KDELR2: variants seen among roughly 807,000 people sequenced by gnomAD.
KDELR2 encodes the protein KDEL endoplasmic reticulum protein retention receptor 2.
A neutral mutation model predicts 23.9 loss-of-function variants in KDELR2; 15 were observed. That is an observed-to-expected ratio of 0.63 (90% CI 0.42 to 0.97). The LOEUF (loss-of-function observed/expected upper bound fraction) is 0.97. KDELR2 is among the 50% of genes least tolerant of loss of function. KDELR2 has a pLI of 0.00. For synonymous variants in KDELR2, 119 were observed against 106.2 expected (o/e 1.12, Z -0.74); for missense variants, 272 against 254.6 (o/e 1.07, Z -0.46).
At position 6,461,391 on chromosome 7, in the gene KDELR2, G is replaced by C. The variant is rs1562496635; in HGVS notation, c.*1750C>G. ...GGTGTATCAGATTTGCATGCACAAAGACAGGTGTGCGCCCCACCCACCCTG... is the reference window on the plus strand; with the variant it reads ...GGTGTATCAGATTTGCATGCACAAACACAGGTGTGCGCCCCACCCACCCTG... On this transcript the variant is annotated 3_prime_UTR_variant, in exon 5 of 5. Coordinates refer to ENST00000258739, the MANE Select transcript of KDELR2 (RefSeq NM_006854.4). The C allele has an allele frequency of 1.3e-5, 2 of 152,012 alleles. No individual in the cohort carries two copies. The highest frequency in any genetic ancestry group is 6.6e-5 in the Admixed American group (1 of 15,236). 9.4% of individuals were successfully genotyped at this position (152,012 alleles called of 1,614,324 possible).
At chr7:6,468,031 AG>A (rs1785539028) in intron 3 of KDELR2, among the ~76,000 whole-genome samples, 1 of 152,242 alleles carries the variant, frequency 6.6e-6, no homozygotes, top group African/African-American at 2.4e-5. Context: ...TGTGGGCTAC[AG>A]GAGGGAGACC....
intron 4 of KDELR2, among the ~76,000 whole-genome samples, chr7:6,464,375 C>G (rs931883462): frequency 6.7e-6 from 1 of 149,872 alleles, no homozygotes; most frequent in African/African-American, 2.5e-5. Flanking sequence ...AAAAATTAGC[C>G]GGGCGTGGTG....
intron 1 of KDELR2, among the ~76,000 whole-genome samples, chr7:6,481,314 G>C (rs972770970): frequency 8.7e-5 from 12 of 138,170 alleles, no homozygotes; most frequent in African/African-American, 2.4e-4. Context: ...GCAGTGAGCC[G>C]AGATCACACC....
At chr7:6,479,621 C>T (rs753774908) in intron 1 of KDELR2, among the ~76,000 whole-genome samples, 6 of 152,062 alleles carry the variant, frequency 3.9e-5, no homozygotes, top group East Asian at 1.9e-4. Context: ...GGACTACAGC[C>T]GCCCGCCACC....
chr7:6,472,371 G>C (rs957158732), intron 2 of KDELR2, among the ~76,000 whole-genome samples: 2 of 152,138 alleles, frequency 1.3e-5, no homozygotes, highest in Non-Finnish European at 2.9e-5. Context: ...AGAAGTTAAA[G>C]TAAAAAGACA....
chr7:6,471,188 T>G (rs1474175103), intron 2 of KDELR2, among the ~76,000 whole-genome samples: 1 of 126,498 alleles, frequency 7.9e-6, no homozygotes, highest in Non-Finnish European at 1.7e-5. Flanking sequence ...TTTTTTTTTT[T>G]TTTTTTTTTT....
At chr7:6,483,695 A>G (rs1476915904) in intron 1 of KDELR2, among the ~76,000 whole-genome samples, 1 of 152,168 alleles carries the variant, frequency 6.6e-6, no homozygotes, top group Non-Finnish European at 1.5e-5. Flanking sequence ...CAGACACAGC[A>G]GGGCCCCGCG....
chr7:6,472,901 T>A (rs985031902), intron 2 of KDELR2, among the ~76,000 whole-genome samples: 2 of 147,542 alleles, frequency 1.4e-5, no homozygotes, highest in Admixed American at 1.4e-4. Flanking sequence ...CCTGTTCTTT[T>A]TTTTTTTTTT....
At chr7:6,465,649 G>A (rs2115322702) in intron 4 of KDELR2, among the ~76,000 whole-genome samples, 1 of 152,214 alleles carries the variant, frequency 6.6e-6, no homozygotes, top group Admixed American at 6.5e-5. Context: ...CATGAATGGG[G>A]GCTGGGTAAA....
chr7:6,462,863 A>G lies in KDELR2; in HGVS notation c.*278T>C. 9.9e-7 allele frequency: 1 copy of G among 1,005,728 alleles called. No individual in the cohort carries two copies. Among genetic ancestry groups the G allele is most frequent in the African/African-American group, 1.6e-5 (1 of 60,944 alleles). The allele number at this position is 1,005,728 out of a possible 1,614,324, so 62.3% of individuals were successfully genotyped here. A position where few individuals can be genotyped will look rare whatever the true frequency, so the allele number is the denominator to read the frequency against. ...TCACAAAATCTTCACTTTTGGAACT[A>G]TCCCAATTGAAGCTACACACTGAAT... On this transcript the variant is annotated 3_prime_UTR_variant, in exon 5 of 5. Coordinates refer to ENST00000258739, the MANE Select transcript of KDELR2 (RefSeq NM_006854.4).
Position 6,463,711 on chromosome 7 carries a change from G to A in KDELR2, c.605-536C>T, listed in dbSNP as rs558970480. On this transcript the variant is annotated intron_variant, in intron 4 of 4. Transcript: ENST00000258739. The stretch of plus-strand genomic sequence containing the variant: ...GGAAGGATCACACCACTGCATTCTT[G>A]CAGCCTGAGTAACAGAGTGAGACCC... 2.4e-4 allele frequency among the ~76,000 whole-genome samples: 36 copies of A among 151,350 alleles called. 1 individual carries two copies. The highest frequency in any genetic ancestry group is 2.1e-4 in the Non-Finnish European group (14 of 67,886).
chr7:6,466,125 C>T lies in KDELR2; in HGVS notation c.550G>A (p.Gly184Ser), dbSNP rs1447087107. The T allele has an allele frequency of 4.3e-6, 7 of 1,613,920 alleles. No homozygotes were observed. The highest frequency in any genetic ancestry group is 5.9e-6 in the Non-Finnish European group (7 of 1,180,018). The change falls in exon 4 of 5, where the codon GGC (glycine) becomes AGC (serine). Residue 184 changes from glycine (G) to serine (S), a missense_variant. By Grantham distance (56) the Gly-to-Ser change is moderately conservative. Coordinates refer to ENST00000258739, the MANE Select transcript of KDELR2 (RefSeq NM_006854.4). The stretch of plus-strand genomic sequence containing the variant: ...CAGTATAGGATGGTCTGGACTACGC[C>T]GGCCACCACAGCAATGAGGTCAAAG... The part of the protein sequence containing the change: ...GFFDLIAVVA[G>S]VVQTILYCDF...
Position 6,464,197 on chromosome 7 carries a change from CAAAAAAAAAAAAAAAAAAAAAAAAAAAAA to C in KDELR2, c.605-1051_605-1023del, listed in dbSNP as rs758537707. ...GGGCAACAAGAGCAAAACTCTGTCT[CAAAAAAAAAAAAAAAAAAAAAAAAAAAAA>C]AAAAAAAAAAAAAGCTAGGCGTGGT... On this transcript the variant is annotated intron_variant, in intron 4 of 4. Coordinates refer to ENST00000258739, the MANE Select transcript of KDELR2 (RefSeq NM_006854.4). Among the ~76,000 whole-genome samples, 3 of 38,764 alleles carry C rather than the reference CAAAAAAAAAAAAAAAAAAAAAAAAAAAAA, an allele frequency of 7.7e-5. 1 individual carries two copies. The highest frequency in any genetic ancestry group is 3.8e-3 in the East Asian group (2 of 530). 25.4% of individuals were successfully genotyped at this position (38,764 alleles called of 152,430 possible).
intron 1 of KDELR2, among the ~76,000 whole-genome samples, chr7:6,478,892 A>G (rs7782950): frequency 0.89 from 135,454 of 152,036 alleles, 60,797 homozygotes; most frequent in Non-Finnish European, 0.92. Flanking sequence ...GGGTTCAAGC[A>G]ATTCTCCTGC....
rs79320840 is a variant in KDELR2 at position 6,466,627 on chromosome 7, T to C, written c.352-304A>G. Among the ~76,000 whole-genome samples, 458 of 152,104 alleles carry C rather than the reference T, an allele frequency of 3.0e-3. 1 individual carries two copies. The highest frequency in any genetic ancestry group is 0.011 in the African/African-American group (443 of 41,504). On this transcript the variant is annotated intron_variant, in intron 3 of 4. Transcript: ENST00000258739. ...CTTCTGTTATTACTATAATATACAA[T>C]GAAATAATTATACAACTCGTCATAA...
intron 1 of KDELR2, among the ~76,000 whole-genome samples, chr7:6,477,423 C>T (rs10252323): frequency 6.6e-6 from 1 of 152,178 alleles, no homozygotes; most frequent in African/African-American, 2.4e-5. Context: ...AGAATACCTG[C>T]TATTAAACCA....
intron 1 of KDELR2, among the ~76,000 whole-genome samples, chr7:6,483,623 G>A (rs1403500428): frequency 6.6e-6 from 1 of 152,176 alleles, no homozygotes; most frequent in East Asian, 1.9e-4. Context: ...CCGGAGAAGC[G>A]CCCCCATTCA....
chr7:6,467,944 C>T (rs182786700), intron 3 of KDELR2, among the ~76,000 whole-genome samples: 1 of 152,258 alleles, frequency 6.6e-6, no homozygotes, highest in East Asian at 1.9e-4. Flanking sequence ...TTCCTAAAGG[C>T]AAGAGGTGCA....
Position 6,469,678 on chromosome 7 carries a change from T to C in KDELR2, c.269A>G (p.His90Arg). 3 of 1,614,162 alleles carry C rather than the reference T, an allele frequency of 1.9e-6. No homozygotes were observed. The highest frequency in any genetic ancestry group is 1.1e-5 in the South Asian group (1 of 91,082). The change falls in exon 3 of 5, where the codon CAT (histidine) becomes CGT (arginine). Residue 90 changes from histidine (H) to arginine (R), a missense_variant. Coordinates refer to ENST00000258739, the MANE Select transcript of KDELR2 (RefSeq NM_006854.4). ...CAGAAACTCCACTCGGAAGGTATCA[T>C]GATTTCCATCGTAGGTTGCCTTAAA... Reference protein sequence around the residue: ...LKFKATYDGNHDTFRVEFLVV... With the variant: ...LKFKATYDGNRDTFRVEFLVV...
Sources: allele counts gnomAD v4.1 joint callset (sites outside exome capture counted in the v4.1 genomes callset), GRCh38; gene constraint gnomAD v4.1.1; transcripts MANE v1.5; gene names NCBI Gene and HGNC (gene_info 2026-07-23, HGNC 2026-07-21).